Variants in CNTN5 observed in about 807,000 individuals in gnomAD.
The protein encoded by CNTN5 is contactin 5, also known as contactin-5.
In CNTN5, 77 loss-of-function variants were observed where a neutral mutation model predicts 129.1. The observed-to-expected ratio is 0.60, with a 90% confidence interval of 0.50 to 0.72. The LOEUF is 0.72. CNTN5 is among the 30% of genes least tolerant of loss of function. CNTN5 has a pLI of 0.00. For missense variants in CNTN5, 1,478 were observed against 1,328.8 expected (o/e 1.11, Z -1.75); for synonymous variants, 509 against 465.6 (o/e 1.09, Z -1.20).
chr11:99,823,275 C>T (rs1227872344), intron 4 of CNTN5, among the ~76,000 whole-genome samples: 1 of 152,148 alleles, frequency 6.6e-6, no homozygotes, highest in Admixed American at 6.6e-5. Flanking sequence ...AAATCATTCT[C>T]ATAGTTTCAT....
chr11:99,801,833 G>C (rs1227417415), intron 3 of CNTN5, among the ~76,000 whole-genome samples: 2 of 151,982 alleles, frequency 1.3e-5, no homozygotes, highest in Admixed American at 1.3e-4. Flanking sequence ...TGCTTTAGTA[G>C]TTTCTCTGTG....
intron 2 of CNTN5, among the ~76,000 whole-genome samples, chr11:99,349,065 G>T (rs935214974): frequency 1.3e-5 from 2 of 152,156 alleles, no homozygotes; most frequent in African/African-American, 4.8e-5. Context: ...GTTATTAGAT[G>T]GTGGTAAGTG....
intron 8 of CNTN5, among the ~76,000 whole-genome samples, chr11:99,985,048 G>A (rs567010937): frequency 2.0e-5 from 3 of 152,276 alleles, no homozygotes; most frequent in East Asian, 1.9e-4. Context: ...AGCTCAAGAA[G>A]GGGTGTTACA....
chr11:99,103,548 T>C (rs188186127), intron 1 of CNTN5, among the ~76,000 whole-genome samples: 4 of 152,326 alleles, frequency 2.6e-5, no homozygotes, highest in Admixed American at 2.0e-4. Flanking sequence ...CATGGATTCA[T>C]ATAAATTGAA....
intron 1 of CNTN5, among the ~76,000 whole-genome samples, chr11:99,228,140 T>C (rs1860789658): frequency 6.6e-6 from 1 of 152,156 alleles, no homozygotes; most frequent in Non-Finnish European, 1.5e-5. Flanking sequence ...TCTGATTGTT[T>C]TACTGGTTCC....
At chr11:99,220,237 T>G (rs1195609004) in intron 1 of CNTN5, among the ~76,000 whole-genome samples, 1 of 152,036 alleles carries the variant, frequency 6.6e-6, no homozygotes, top group Non-Finnish European at 1.5e-5. Context: ...CACTAACACT[T>G]GCTAACTTGA....
At position 100,224,625 on chromosome 11, in the gene CNTN5, C is replaced by G; in HGVS notation, c.1885-67C>G. 3.3e-6 allele frequency: 5 copies of G among 1,509,192 alleles called. No individual in the cohort carries two copies. The South Asian group carries it at 6.5e-5, about 20-fold the overall frequency. 93.5% of individuals were successfully genotyped at this position (1,509,192 alleles called of 1,614,324 possible). On this transcript the variant is annotated intron_variant, in intron 15 of 24. Transcript: ENST00000524871. The stretch of plus-strand genomic sequence containing the variant: ...CCCTTTTACTGAATATGCAAAGTTC[C>G]CCCTTAAGCCACCTTGAACTAGGCA...
chr11:99,698,482 A>T (rs1235759256), intron 3 of CNTN5, among the ~76,000 whole-genome samples: 1 of 151,420 alleles, frequency 6.6e-6, no homozygotes, highest in East Asian at 1.9e-4. Context: ...TAGCTTATTT[A>T]TCTCCTTTTT....
chr11:99,451,426 C>T (rs1944297085), intron 2 of CNTN5, among the ~76,000 whole-genome samples: 1 of 152,052 alleles, frequency 6.6e-6, no homozygotes, highest in African/African-American at 2.4e-5. Context: ...TGTTATTGGG[C>T]TACACAATGA....
chr11:99,914,918 C>A (rs1949749406), intron 6 of CNTN5, among the ~76,000 whole-genome samples: 1 of 152,054 alleles, frequency 6.6e-6, no homozygotes, highest in Non-Finnish European at 1.5e-5. Flanking sequence ...TTATCTCCTT[C>A]ATATCCACTA....
At chr11:99,486,916 C>A (rs1175776093) in intron 2 of CNTN5, among the ~76,000 whole-genome samples, 2 of 152,070 alleles carry the variant, frequency 1.3e-5, no homozygotes, top group Non-Finnish European at 2.9e-5. Flanking sequence ...GGCTTATAGA[C>A]AGTGAGCTAT....
At chr11:99,782,396 T>C (rs1945344327) in intron 3 of CNTN5, among the ~76,000 whole-genome samples, 1 of 149,394 alleles carries the variant, frequency 6.7e-6, no homozygotes, top group South Asian at 2.1e-4. Context: ...AAAATGGCCA[T>C]ACTGCCCAAG....
chr11:100,283,816 G>A (rs1950699564), intron 18 of CNTN5, among the ~76,000 whole-genome samples: 1 of 151,968 alleles, frequency 6.6e-6, no homozygotes, highest in Non-Finnish European at 1.5e-5. Flanking sequence ...CGCGGTAGCG[G>A]GCACCTGTAA....
intron 15 of CNTN5, among the ~76,000 whole-genome samples, chr11:100,222,008 G>A (rs902951140): frequency 6.6e-6 from 1 of 152,138 alleles, no homozygotes; most frequent in African/African-American, 2.4e-5. Context: ...AGTATAATGG[G>A]CTCCCACATG....
At chr11:99,981,103 T>TATATATATATATAAAAAA in intron 8 of CNTN5, among the ~76,000 whole-genome samples, 1 of 54,508 alleles carries the variant, frequency 1.8e-5, no homozygotes, top group East Asian at 4.9e-4. Flanking sequence ...TATATATATA[T>TATATATATATATAAAAAA]ACACACACAC....
At chr11:99,531,246 C>T (rs1947693445) in intron 2 of CNTN5, among the ~76,000 whole-genome samples, 1 of 152,126 alleles carries the variant, frequency 6.6e-6, no homozygotes. Context: ...AGCATTTGCC[C>T]CTGCCATAGA....
Position 100,075,550 on chromosome 11 carries a change from C to T in CNTN5, c.1580+1256C>T, listed in dbSNP as rs186721859. Among the ~76,000 whole-genome samples the T allele has an allele frequency of 8.5e-5, 13 of 152,110 alleles. No individual in the cohort carries two copies. The East Asian group carries it at 1.4e-3, about 16-fold the overall frequency. ...TTAGGTTCAGTGAAGAATAGAGAGCCGTGTAGAAATATGATTGGACAAAAA... is the reference window on the plus strand; with the variant it reads ...TTAGGTTCAGTGAAGAATAGAGAGCTGTGTAGAAATATGATTGGACAAAAA... On this transcript the variant is annotated intron_variant, in intron 13 of 24. Coordinates refer to ENST00000524871, the MANE Select transcript of CNTN5 (RefSeq NM_014361.4).
rs998130477 is a variant in CNTN5 at position 99,399,349 on chromosome 11, C to T, written c.-71+73865C>T. On this transcript the variant is annotated intron_variant, in intron 2 of 24. Coordinates refer to ENST00000524871, the MANE Select transcript of CNTN5 (RefSeq NM_014361.4). The stretch of plus-strand genomic sequence containing the variant: ...TCTAAATTATGAGATCCTTGTTATT[C>T]GATAAAAGGGATTTTTGGTTGATCA... Among the ~76,000 whole-genome samples, 8 of 151,288 alleles carry T rather than the reference C, an allele frequency of 5.3e-5. No homozygotes were observed. The South Asian group carries it at 8.3e-4, about 16-fold the overall frequency.
chr11:99,509,189 C>T (rs1345327918), intron 2 of CNTN5, among the ~76,000 whole-genome samples: 1 of 152,020 alleles, frequency 6.6e-6, no homozygotes, highest in African/African-American at 2.4e-5. Context: ...AAGATTTGGC[C>T]AACAAGAATA....
Sources: allele counts gnomAD v4.1 joint callset (sites outside exome capture counted in the v4.1 genomes callset), GRCh38; gene constraint gnomAD v4.1.1; transcripts MANE v1.5; gene names NCBI Gene and HGNC (gene_info 2026-07-23, HGNC 2026-07-21).